GTF2H3: variants seen among roughly 807,000 people sequenced by gnomAD.
GTF2H3 encodes the protein TFIIH basal transcription factor complex p34 subunit.
GTF2H3 carries 42 observed loss-of-function variants against 51.1 expected under a neutral mutation model. The ratio of observed to expected loss-of-function variants is 0.82; its 90% CI spans 0.64 to 1.06. The LOEUF is 1.06. Ranked by LOEUF, GTF2H3 falls within the 50% of genes least tolerant of loss-of-function variation. The pLI is 0.00. For missense variants in GTF2H3, 326 were observed against 366.1 expected (o/e 0.89, Z 0.89); for synonymous variants, 123 against 123.8 (o/e 0.99, Z 0.04).
intron 5 of GTF2H3, among the ~76,000 whole-genome samples, chr12:123,651,384 T>C (rs2135792560): frequency 6.6e-6 from 1 of 152,236 alleles, no homozygotes; most frequent in East Asian, 1.9e-4. Context: ...ATTTTTTTTG[T>C]ATTTTTAGTA....
At position 123,660,133 on chromosome 12, in the gene GTF2H3, C is replaced by T. The variant is rs774437724; in HGVS notation, c.858-33C>T. The T allele has an allele frequency of 3.1e-6, 5 of 1,607,596 alleles. No individual in the cohort carries two copies. The Admixed American group carries it at 5.1e-5, about 16-fold the overall frequency. On this transcript the variant is annotated intron_variant, in intron 12 of 12. Coordinates refer to ENST00000543341, the MANE Select transcript of GTF2H3 (RefSeq NM_001516.5). The stretch of plus-strand genomic sequence containing the variant: ...TGGCTAATACTTCACAGCTCTAGAA[C>T]ATTAAAAAATGTTTTCCTCTCTGTA...
intron 3 of GTF2H3, among the ~76,000 whole-genome samples, chr12:123,647,184 A>G (rs954204402): frequency 3.4e-5 from 5 of 147,004 alleles, no homozygotes; most frequent in Non-Finnish European, 7.5e-5. Flanking sequence ...TCACGAAGTC[A>G]CGAGGCCGGG....
At chr12:123,650,914 T>G (rs1327400258) in intron 4 of GTF2H3, 80 bp from the exon 5 acceptor site, 1 of 843,400 alleles carries the variant, frequency 1.2e-6, no homozygotes, top group African/African-American at 1.7e-5. Flanking sequence ...GAAAGCATAC[T>G]TAGTTCAATA....
In GTF2H3 at chr12:123,661,256, T is replaced by C. The variant is rs1399130506; in HGVS notation, c.*1021T>C. The stretch of plus-strand genomic sequence containing the variant: ...ACAAAAAATGTATTTCTTTATGTAA[T>C]CTTGAAATTATTAAAAGTCCTTTTA... On this transcript the variant is annotated 3_prime_UTR_variant, in exon 13 of 13. Coordinates refer to ENST00000543341, the MANE Select transcript of GTF2H3 (RefSeq NM_001516.5). 1 of 152,226 alleles carries C rather than the reference T, an allele frequency of 6.6e-6. No homozygotes were observed. The highest frequency in any genetic ancestry group is 1.5e-5 in the Non-Finnish European group (1 of 68,046). The allele number at this position is 152,226 out of a possible 1,614,324, so 9.4% of individuals were successfully genotyped here. A position where few individuals can be genotyped will look rare whatever the true frequency, so the allele number is the denominator to read the frequency against.
chr12:123,638,888 T>C (rs889171162), intron 1 of GTF2H3, among the ~76,000 whole-genome samples: 4 of 147,798 alleles, frequency 2.7e-5, no homozygotes, highest in African/African-American at 7.5e-5. Flanking sequence ...CTCCGCCTCC[T>C]GGGTTCACGC....
intron 1 of GTF2H3, among the ~76,000 whole-genome samples, chr12:123,637,204 A>G (rs1373840658): frequency 6.6e-6 from 1 of 152,192 alleles, no homozygotes. Context: ...GGTTGGACCC[A>G]GTATCCCCAA....
chr12:123,639,811 A>G, intron 2 of GTF2H3: 1 of 330,596 alleles, frequency 3.0e-6, no homozygotes, highest in Non-Finnish European at 6.4e-6. Flanking sequence ...ACATAATGAT[A>G]GTACAATTTT....
In GTF2H3 at chr12:123,659,591, A is replaced by G; in HGVS notation, c.684+7A>G. ...TCTTCTGCAGTATTTGCTGGTAAGGAGACAGCAGCGGCGACCCTGATGCCT... is the reference window on the plus strand; with the variant it reads ...TCTTCTGCAGTATTTGCTGGTAAGGGGACAGCAGCGGCGACCCTGATGCCT... On this transcript the variant is annotated splice_region_variant and intron_variant, in intron 10 of 12. Transcript: ENST00000543341. The G allele has an allele frequency of 6.2e-7, 1 of 1,613,080 alleles. No homozygotes were observed. Among genetic ancestry groups the G allele is most frequent in the Non-Finnish European group, 8.5e-7 (1 of 1,179,132 alleles).
At chr12:123,635,436 G>A (rs11572920) in intron 1 of GTF2H3, among the ~76,000 whole-genome samples, 45,024 of 151,878 alleles carry the variant, frequency 0.3, 7,353 homozygotes, top group Non-Finnish European at 0.38. Context: ...AACCGGACAA[G>A]GTGGCGCACA....
At chr12:123,644,605 GCAGTGAGCCGAGATCAGGCCACTGCACTC>G (rs1243080638) in intron 2 of GTF2H3, among the ~76,000 whole-genome samples, 1 of 151,750 alleles carries the variant, frequency 6.6e-6, no homozygotes, top group Non-Finnish European at 1.5e-5. Context: ...GTTGGAGGTT[GCAGTGAGCCGAGATCAGGCCACTGCACTC>G]CAGCCTGGCG....
chr12:123,645,670 T>C lies in GTF2H3; in HGVS notation c.200+109T>C. On this transcript the variant is annotated intron_variant, in intron 3 of 12. Transcript: ENST00000543341. ...CCATGTTGCAAAAGAAAATGTTTTC[T>C]GTACCAGTGAACAGCCACAGCACCA... is the stretch of plus-strand genomic sequence containing the variant. The C allele has an allele frequency of 4.7e-6, 3 of 636,260 alleles. No individual in the cohort carries two copies. The East Asian group carries it at 8.3e-5, about 18-fold the overall frequency. The allele number at this position is 636,260 out of a possible 1,614,324, so 39.4% of individuals were successfully genotyped here.
chr12:123,650,272 A>C (rs1375840187), intron 4 of GTF2H3: 1 of 152,192 alleles, frequency 6.6e-6, no homozygotes. Flanking sequence ...GGCACCAAAC[A>C]AGTGGCAAAC....
At chr12:123,656,951 G>C (rs532782419) in intron 9 of GTF2H3, among the ~76,000 whole-genome samples, 1 of 152,172 alleles carries the variant, frequency 6.6e-6, no homozygotes, top group East Asian at 1.9e-4. Context: ...AGCCTATCAT[G>C]GTGGTGCACG....
At position 123,655,755 on chromosome 12, in the gene GTF2H3, A is replaced by C; in HGVS notation, c.562-16A>C. 6.7e-7 allele frequency: 1 copy of C among 1,500,666 alleles called. No individual in the cohort carries two copies. The allele number at this position is 1,500,666 out of a possible 1,614,324, so 93.0% of individuals were successfully genotyped here. ...TTGTTATTATTCCTGTAATATTTTC[A>C]AAATGTTTCTTTTAGAATATTTTGA... On this transcript the variant is annotated splice_polypyrimidine_tract_variant and intron_variant, in intron 8 of 12. Transcript: ENST00000543341.
intron 1 of GTF2H3, among the ~76,000 whole-genome samples, chr12:123,638,385 G>A (rs1319884635): frequency 1.3e-5 from 2 of 151,150 alleles, no homozygotes; most frequent in Admixed American, 6.6e-5. Context: ...TGGCCGGGCT[G>A]GTCTTGAACT....
chr12:123,652,487 G>T, intron 5 of GTF2H3, 45 bp from the exon 6 acceptor site: 1 of 1,098,834 alleles, frequency 9.1e-7, no homozygotes, highest in Admixed American at 2.4e-5. Context: ...AAATATTTAT[G>T]AAGCAAAATA....
chr12:123,643,274 A>T (rs1205381542), intron 2 of GTF2H3, among the ~76,000 whole-genome samples: 1 of 152,214 alleles, frequency 6.6e-6, no homozygotes, highest in African/African-American at 2.4e-5. Context: ...GCAATTTACT[A>T]TAAAGAGTAT....
intron 1 of GTF2H3, among the ~76,000 whole-genome samples, chr12:123,638,645 T>G (rs1955322107): frequency 6.6e-6 from 1 of 152,002 alleles, no homozygotes; most frequent in South Asian, 2.1e-4. Context: ...AGCTGCAATG[T>G]GCTAGGCAGT....
chr12:123,657,373 T>A (rs1396050123), intron 9 of GTF2H3, among the ~76,000 whole-genome samples: 1 of 152,070 alleles, frequency 6.6e-6, no homozygotes, highest in Non-Finnish European at 1.5e-5. Context: ...TCTTCCACAC[T>A]CTCCCTCTTC....
Sources: allele counts gnomAD v4.1 joint callset (sites outside exome capture counted in the v4.1 genomes callset), GRCh38; gene constraint gnomAD v4.1.1; transcripts MANE v1.5; gene names NCBI Gene and HGNC (gene_info 2026-07-23, HGNC 2026-07-21).